The following PPL variants were observed in gnomAD, a reference collection of about 807,000 sequenced individuals.
PPL encodes the protein periplakin.
In PPL, 198 loss-of-function variants were observed where a neutral mutation model predicts 194.4. The observed-to-expected ratio is 1.02, with a 90% CI of 0.91 to 1.15. The LOEUF (loss-of-function observed/expected upper bound fraction) is 1.15. PPL is among the 50% of genes most tolerant of loss of function. The probability of loss-of-function intolerance (pLI) is 0.00; values close to 1 mark genes in which losing one functional copy is unlikely to be tolerated. For synonymous variants in PPL, 1,220 were observed against 972.4 expected (o/e 1.25, Z -4.74); for missense variants, 2,885 against 2,294.8 (o/e 1.26, Z -5.25).
chr16:4,900,435 T>A (rs942859402), intron 6 of PPL, among the ~76,000 whole-genome samples: 1 of 74,664 alleles, frequency 1.3e-5, no homozygotes, highest in South Asian at 4.7e-4. Flanking sequence ...ACTGCACGCC[T>A]TTTTTTTTTT....
At chr16:4,924,121 C>T (rs1469666734) in intron 1 of PPL, among the ~76,000 whole-genome samples, 1 of 152,246 alleles carries the variant, frequency 6.6e-6, no homozygotes, top group South Asian at 2.1e-4. Context: ...AAGGCCAGCA[C>T]TGTTCAACAG....
chr16:4,910,197 G>T (rs1596568036), intron 2 of PPL, among the ~76,000 whole-genome samples: 1 of 152,292 alleles, frequency 6.6e-6, no homozygotes, highest in South Asian at 2.1e-4. Context: ...CACAGATAGG[G>T]GAAAGTGATT....
intron 4 of PPL, 102 bp from the exon 5 acceptor site, chr16:4,901,191 T>G (rs898907339): frequency 7.6e-7 from 1 of 1,320,792 alleles, no homozygotes; most frequent in Non-Finnish European, 1.0e-6. Flanking sequence ...GGTGCTCTCT[T>G]TTTCACGGGG....
chr16:4,894,764 G>T, intron 11 of PPL, 146 bp from the exon 12 acceptor site: 1 of 921,158 alleles, frequency 1.1e-6, no homozygotes, highest in Non-Finnish European at 1.6e-6. Flanking sequence ...GGGGCATGCA[G>T]GAGAAGCACA....
rs773180363 is a variant in PPL, at chr16:4,893,243, C to T, written c.1620G>A (p.Gln540=). 1 of 1,589,196 alleles carries T rather than the reference C, an allele frequency of 6.3e-7. No individual in the cohort carries two copies. The highest frequency in any genetic ancestry group is 1.3e-5 in the African/African-American group (1 of 74,700). ...GGTCCTTGGCCCGCTCGGCACTGTC[C>T]TGCACAGCCCGGCCTTGCTCCAGTG... The part of the protein sequence containing the change: ...RPPLEQGRAV[Q]DSAERAKDLK... Residue 540 remains glutamine, a synonymous_variant, in exon 14 of 22, where the codon CAG becomes CAA. Transcript: ENST00000345988.
intron 2 of PPL, 145 bp downstream of exon 2, chr16:4,910,705 G>C: frequency 1.4e-6 from 1 of 713,996 alleles, no homozygotes. Flanking sequence ...TTCCTTCCAA[G>C]CAGTGACAAC....
chr16:4,900,933 TG>T, intron 5 of PPL, 30 bp downstream of exon 5: 1 of 1,613,962 alleles, frequency 6.2e-7, no homozygotes, highest in Admixed American at 1.7e-5. Context: ...CCTCCATCCC[TG>T]GGTCCCCACC....
At chr16:4,886,135 G>A in intron 21 of PPL, 88 bp from the exon 22 acceptor site, 1 of 1,539,692 alleles carries the variant, frequency 6.5e-7, no homozygotes, top group Middle Eastern at 1.8e-4. Context: ...TGGCTGTCCT[G>A]TGGTCCCCAA....
In PPL at chr16:4,932,903, C is replaced by T. The variant is rs188782144; in HGVS notation, c.62+4081G>A. Among the ~76,000 whole-genome samples, 351 of 152,170 alleles carry T rather than the reference C, an allele frequency of 2.3e-3. 2 individuals are homozygous for T. Among genetic ancestry groups the T allele is most frequent in the African/African-American group, 7.9e-3 (327 of 41,506 alleles). On this transcript the variant is annotated intron_variant, in intron 1 of 21. Transcript: ENST00000345988. ...CCTCATAGATGAAGAAACTGAGGCT[C>T]GGAGACATTAAGTGACTTGCCCAAG...
Position 4,885,098 on chromosome 16 carries a change from C to T in PPL, c.3557G>A (p.Ser1186Asn). ...EIVRPDPKAE[S>N]EVANLRLELV... ...CTCCAGGCGGAGGTTCGCCACTTCA[C>T]TTTCCGCCTTGGGGTCTGGCCGCAC... is the stretch of plus-strand genomic sequence containing the variant. The change falls in exon 22 of 22, where the codon AGT (serine) becomes AAT (asparagine). Residue 1186 changes from serine (S) to asparagine (N), a missense_variant. Transcript: ENST00000345988. This position sits in a 1 kb window ranked among gnomAD's most constrained non-coding sequence, Gnocchi z 6.3. The T allele has an allele frequency of 1.9e-6, 3 of 1,613,904 alleles. No individual in the cohort carries two copies. Among genetic ancestry groups the T allele is most frequent in the Non-Finnish European group, 2.5e-6 (3 of 1,180,036 alleles).
In PPL at chr16:4,885,685, C is replaced by G; in HGVS notation, c.2970G>C (p.Gln990His). ...ALEQETRDGGQEYVVKEVLRI... is the reference protein window; with the variant it reads ...ALEQETRDGGHEYVVKEVLRI... ...GCAGGACCTCCTTGACCACGTACTC[C>G]TGCCCCCCGTCTCTGGTCTCCTGCT... The change falls in exon 22 of 22, where the codon CAG becomes CAC. Residue 990 changes from glutamine (Q) to histidine (H), a missense_variant. Gln to His is a conservative substitution (Grantham distance 24). Transcript: ENST00000345988. This position sits in a 1 kb window ranked among gnomAD's most constrained non-coding sequence, Gnocchi z 6.3. 6.2e-7 allele frequency: 1 copy of G among 1,613,554 alleles called. No homozygotes were observed. Among genetic ancestry groups the G allele is most frequent in the Non-Finnish European group, 8.5e-7 (1 of 1,179,958 alleles).
At chr16:4,934,205 G>A (rs910618621) in intron 1 of PPL, among the ~76,000 whole-genome samples, 2 of 152,122 alleles carry the variant, frequency 1.3e-5, no homozygotes, top group Non-Finnish European at 2.9e-5. Context: ...CCTGTCATTA[G>A]GAACCCGGGC....
Position 4,884,150 on chromosome 16 carries a change from G to C in PPL, c.4505C>G (p.Ser1502Cys). 1 of 1,613,720 alleles carries C rather than the reference G, an allele frequency of 6.2e-7. No individual in the cohort carries two copies. The highest frequency in any genetic ancestry group is 8.5e-7 in the Non-Finnish European group (1 of 1,179,986). Residue 1502 changes from serine (S) to cysteine (C), a missense_variant, in exon 22 of 22, where the codon TCC becomes TGC. Transcript: ENST00000345988. The surrounding 1 kb of genome is among the most constrained non-coding windows in gnomAD (Gnocchi z 5.7). ...GCCCTTCTCCACCTGGACACTCTCG[G>C]AGAGCACCACCTTCTCCTTGACCTC... ...KAEVKEKVVL[S>C]ESVQVEKGDT...
chr16:4,890,579 AAG>A (rs763232902), intron 17 of PPL, 147 bp downstream of exon 17: 4 of 1,104,014 alleles, frequency 3.6e-6, no homozygotes, highest in South Asian at 1.7e-5. Flanking sequence ...CATGACTCAA[AAG>A]AGAGACCACA....
chr16:4,885,545 C>T lies in PPL; in HGVS notation c.3110G>A (p.Arg1037His), dbSNP rs752036254. Residue 1037 changes from arginine to histidine, a missense_variant, in exon 22 of 22, where the codon CGT (arginine) becomes CAT (histidine). Transcript: ENST00000345988. The surrounding 1 kb of genome is among the most constrained non-coding windows in gnomAD (Gnocchi z 6.3). ...CTTCTCTTCAGCCAGGGCGGCCACA[C>T]GCTGCTGCAGGAGGAGCACCTCTGC... ...REAEVLLLQQ[R>H]VAALAEEKSR... The T allele has an allele frequency of 8.7e-6, 14 of 1,610,446 alleles. No homozygotes were observed. Among genetic ancestry groups the T allele is most frequent in the African/African-American group, 5.3e-5 (4 of 74,910 alleles).
At position 4,887,125 on chromosome 16, in the gene PPL, G is replaced by T; in HGVS notation, c.2607+10C>A. The T allele has an allele frequency of 2.5e-6, 4 of 1,597,822 alleles. No individual in the cohort carries two copies. The highest frequency in any genetic ancestry group is 2.2e-5 in the South Asian group (2 of 90,762). On this transcript the variant is annotated intron_variant, in intron 21 of 21. Transcript: ENST00000345988. ...AGCCTGAAGTAGAATTTCTTACTAA[G>T]ATCAGTTACCTGTCTGAGGAGATTC...
At chr16:4,920,245 C>T (rs1279676597) in intron 1 of PPL, among the ~76,000 whole-genome samples, 1 of 150,480 alleles carries the variant, frequency 6.6e-6, no homozygotes, top group Admixed American at 6.7e-5. Flanking sequence ...GATTGAGTCA[C>T]TGCACTCCAG....
Position 4,893,333 on chromosome 16 carries a change from G to T in PPL, c.1530C>A (p.Gly510=). 1 of 1,608,390 alleles carries T rather than the reference G, an allele frequency of 6.2e-7. No individual in the cohort carries two copies. The highest frequency in any genetic ancestry group is 8.5e-7 in the Non-Finnish European group (1 of 1,179,752). Residue 510 remains glycine (G), a synonymous_variant, in exon 14 of 22, where the codon GGC becomes GGA. Transcript: ENST00000345988. ...SDLQGRQLLA[G]LDKVASDLDR... ...CCAGGTCGCTGGCCACCTTGTCCAA[G>T]CCAGCCAGCAGCTGCCGCCCCTGTA...
chr16:4,899,004 T>G lies in PPL; in HGVS notation c.876+9A>C. ...CTGGGGGAGGTGTCTGGTCTCGGGG[T>G]GCATGAACCTCAATGGAGTTCCTCC... On this transcript the variant is annotated intron_variant, in intron 8 of 21. Transcript: ENST00000345988. The G allele has an allele frequency of 6.2e-7, 1 of 1,611,474 alleles. No homozygotes were observed. The highest frequency in any genetic ancestry group is 8.5e-7 in the Non-Finnish European group (1 of 1,178,606).
Sources: allele counts gnomAD v4.1 joint callset (sites outside exome capture counted in the v4.1 genomes callset), GRCh38; gene constraint gnomAD v4.1.1; non-coding constraint Gnocchi (gnomAD v3.1); transcripts MANE v1.5; gene names NCBI Gene and HGNC (gene_info 2026-07-23, HGNC 2026-07-21).